The following HERC1 variants were observed in gnomAD, a reference collection of about 807,000 sequenced individuals.
HERC1 encodes HECT and RLD domain containing E3 ubiquitin protein ligase family member 1.
A neutral mutation model predicts 554.3 loss-of-function variants in HERC1; 160 were observed. The observed-to-expected ratio is 0.29, with a 90% CI of 0.25 to 0.33. HERC1 has a LOEUF of 0.33. HERC1 is among the 10% of genes least tolerant of loss of function. The pLI, the probability that HERC1 is intolerant of heterozygous loss-of-function variation, is 1.00. For missense variants in HERC1, 4,919 were observed against 5,918.5 expected, an observed-to-expected ratio of 0.83 and a Z score of 5.54; for synonymous variants, 2,175 against 2,131.7, an observed-to-expected ratio of 1.02 and a Z score of -0.56.
intron 12 of HERC1, among the ~76,000 whole-genome samples, chr15:63,739,185 C>T (rs2074679664): frequency 7.2e-6 from 1 of 139,778 alleles, no homozygotes. Context: ...CTCCAACAAC[C>T]ACTAATATAC....
Position 63,612,700 on chromosome 15 carries a change from G to C in HERC1, c.14095-144C>G. On this transcript the variant is annotated intron_variant, in intron 76 of 77. Coordinates refer to ENST00000443617, the MANE Select transcript of HERC1 (RefSeq NM_003922.4). The surrounding 1 kb of genome is among the most constrained non-coding windows in gnomAD (Gnocchi z 5.0). ...GTTTCTCAGACCGCCAGGCACGAGAGTCAGTCAAAAAGGCCCACCCTCCCT... is the reference window on the plus strand; with the variant it reads ...GTTTCTCAGACCGCCAGGCACGAGACTCAGTCAAAAAGGCCCACCCTCCCT... 1.3e-6 allele frequency: 1 copy of C among 755,600 alleles called. No individual in the cohort carries two copies. Among genetic ancestry groups the C allele is most frequent in the Non-Finnish European group, 2.1e-6 (1 of 481,116 alleles). The allele number at this position is 755,600 out of a possible 1,614,324, so 46.8% of individuals were successfully genotyped here. A position where few individuals can be genotyped will look rare whatever the true frequency, so the allele number is the denominator to read the frequency against.
In HERC1 at chr15:63,694,606, A is replaced by G. The variant is rs1197073285; in HGVS notation, c.5243-57T>C. ...CTTTCAGTAAACAAAGCATTTATTA[A>G]AATGAATAATTTTCTAAAATATTAA... On this transcript the variant is annotated intron_variant, in intron 28 of 77. Coordinates refer to ENST00000443617, the MANE Select transcript of HERC1 (RefSeq NM_003922.4). This position sits in a 1 kb window ranked among gnomAD's most constrained non-coding sequence, Gnocchi z 4.3. 15 of 1,491,688 alleles carry G rather than the reference A, an allele frequency of 1.0e-5. No individual in the cohort carries two copies. The highest frequency in any genetic ancestry group is 1.4e-5 in the Non-Finnish European group (15 of 1,083,274). 92.4% of individuals were successfully genotyped at this position (1,491,688 alleles called of 1,614,324 possible). A position where few individuals can be genotyped will look rare whatever the true frequency, so the allele number is the denominator to read the frequency against.
intron 1 of HERC1, among the ~76,000 whole-genome samples, chr15:63,777,622 T>C (rs2076153346): frequency 1.3e-5 from 2 of 152,226 alleles, no homozygotes; most frequent in Admixed American, 6.5e-5. Context: ...CTTGTAAAAG[T>C]TTTTTGTATT....
At chr15:63,654,700 A>C (rs1007075187) in intron 50 of HERC1, among the ~76,000 whole-genome samples, 6 of 95,584 alleles carry the variant, frequency 6.3e-5, no homozygotes, top group Non-Finnish European at 1.0e-4. Flanking sequence ...CTGAAAATAC[A>C]AAAAAAAAAA....
chr15:63,826,281 T>C (rs764886969), intron 1 of HERC1, among the ~76,000 whole-genome samples: 3 of 152,142 alleles, frequency 2.0e-5, no homozygotes, highest in Non-Finnish European at 2.9e-5. Context: ...CTAATAGGAT[T>C]GCCCTAACCC....
At chr15:63,755,385 T>C (rs1009236986) in intron 5 of HERC1, 60 bp from the exon 6 acceptor site, 7 of 1,258,158 alleles carry the variant, frequency 5.6e-6, no homozygotes, top group Non-Finnish European at 8.1e-6. Flanking sequence ...TAGTCCGTAT[T>C]TGATCCTATA....
intron 74 of HERC1, among the ~76,000 whole-genome samples, chr15:63,621,252 A>C (rs1189278703): frequency 4.6e-5 from 7 of 151,982 alleles, no homozygotes; most frequent in Admixed American, 3.3e-4. Flanking sequence ...TTCACTTATG[A>C]AGCTTAGTTT....
intron 12 of HERC1, among the ~76,000 whole-genome samples, chr15:63,738,052 C>T (rs1471937484): frequency 6.6e-6 from 1 of 152,124 alleles, no homozygotes; most frequent in Non-Finnish European, 1.5e-5. Context: ...CCAGCAGAAA[C>T]CACCTTAACC....
In HERC1 at chr15:63,727,628, T is replaced by TTTTA. The variant is rs2074094282; in HGVS notation, c.3346+15_3346+18dup. The TTTTA allele has an allele frequency of 6.3e-7, 1 of 1,583,490 alleles. No individual in the cohort carries two copies. Among genetic ancestry groups the TTTTA allele is most frequent in the South Asian group, 1.1e-5 (1 of 87,754 alleles). On this transcript the variant is annotated intron_variant, in intron 17 of 77. Coordinates refer to ENST00000443617, the MANE Select transcript of HERC1 (RefSeq NM_003922.4). This position sits in a 1 kb window ranked among gnomAD's most constrained non-coding sequence, Gnocchi z 4.3. ...CTTTTCTCAAAGGCATTATTTGCTC[T>TTTTA]TTTATTGTCTTTACTTACCATGAAG...
Position 63,732,349 on chromosome 15 carries a change from G to A in HERC1, c.2868+575C>T, listed in dbSNP as rs531520275. Among the ~76,000 whole-genome samples the A allele has an allele frequency of 7.5e-4, 114 of 152,222 alleles. 1 individual carries two copies. The highest frequency in any genetic ancestry group is 6.8e-3 in the Middle Eastern group (2 of 294). Reference sequence around the variant, plus strand: ...AAGAAGTTGTATTCTTTAATATAAAGAAGTTATTTAATACAAAGTTATTCC... The same window carrying A: ...AAGAAGTTGTATTCTTTAATATAAAAAAGTTATTTAATACAAAGTTATTCC... On this transcript the variant is annotated intron_variant, in intron 14 of 77. Coordinates refer to ENST00000443617, the MANE Select transcript of HERC1 (RefSeq NM_003922.4).
At position 63,630,507 on chromosome 15, in the gene HERC1, T is replaced by C. The variant is rs549373010; in HGVS notation, c.12925A>G (p.Asn4309Asp). ...GAEHTLALAS[N>D]GDVYAWGSNS... ...CTCCCCCAGGCATACACATCTCCAT[T>C]TGATGCCAAAGCAAGTGTGTGTTCA... Residue 4309 changes from asparagine to aspartate, a missense_variant, in exon 69 of 78, where the codon AAT becomes GAT. Physicochemically the swap from Asn to Asp is conservative, Grantham distance 23. Around this residue, in one of 11 missense-constraint regions of HERC1, gnomAD observed 410 missense variants for 467.0 expected, o/e 0.88. Coordinates refer to ENST00000443617, the MANE Select transcript of HERC1 (RefSeq NM_003922.4). 25 of 1,613,962 alleles carry C rather than the reference T, an allele frequency of 1.5e-5. No individual in the cohort carries two copies. The East Asian group carries it at 3.3e-4, about 22-fold the overall frequency.
chr15:63,819,256 A>T (rs560868625), intron 1 of HERC1, among the ~76,000 whole-genome samples: 2 of 152,342 alleles, frequency 1.3e-5, no homozygotes, highest in South Asian at 2.1e-4. Flanking sequence ...GGTTGAGATT[A>T]TTCAGGGGCT....
intron 19 of HERC1, 146 bp from the exon 20 acceptor site, chr15:63,719,043 A>G: frequency 1.7e-6 from 1 of 598,838 alleles, no homozygotes; most frequent in Non-Finnish European, 2.9e-6. Flanking sequence ...GATCCCACTT[A>G]CTGTTCCAAG....
chr15:63,693,302 G>A (rs1201463418), intron 30 of HERC1, among the ~76,000 whole-genome samples: 2 of 150,740 alleles, frequency 1.3e-5, no homozygotes, highest in Non-Finnish European at 3.0e-5. Flanking sequence ...AAAGTGCAGT[G>A]GTGTGATCTC....
chr15:63,779,091 T>G (rs2076200880), intron 1 of HERC1, among the ~76,000 whole-genome samples: 2 of 150,292 alleles, frequency 1.3e-5, no homozygotes, highest in Non-Finnish European at 3.0e-5. Flanking sequence ...TAAAGAAAAA[T>G]GAAAAGGGTG....
chr15:63,651,480 A>G (rs994812947), intron 52 of HERC1, 100 bp from the exon 53 acceptor site: 2 of 1,100,992 alleles, frequency 1.8e-6, no homozygotes, highest in Admixed American at 2.5e-5. Flanking sequence ...ACTAGAGTGT[A>G]TAACTGATTC....
chr15:63,713,827 A>G (rs537319389), intron 22 of HERC1, 162 bp from the exon 23 acceptor site: 16 of 564,224 alleles, frequency 2.8e-5, no homozygotes, highest in African/African-American at 1.1e-4. Context: ...AGTTAAAATT[A>G]CATTTAAAAT....
At chr15:63,710,264 T>C (rs140940738) in intron 24 of HERC1, among the ~76,000 whole-genome samples, 156 of 152,288 alleles carry the variant, frequency 1.0e-3, no homozygotes, top group African/African-American at 3.6e-3. Context: ...GGTAGGTGTT[T>C]TGTTGTTGTT....
chr15:63,801,304 G>A (rs1166018725), intron 1 of HERC1, among the ~76,000 whole-genome samples: 2 of 152,166 alleles, frequency 1.3e-5, no homozygotes, highest in Admixed American at 6.5e-5. Context: ...CAGAAGTGTG[G>A]GACTCAATAC....
Sources: allele counts gnomAD v4.1 joint callset (sites outside exome capture counted in the v4.1 genomes callset), GRCh38; gene constraint gnomAD v4.1.1; regional missense constraint gnomAD v4.1.1; non-coding constraint Gnocchi (gnomAD v3.1); transcripts MANE v1.5; gene names NCBI Gene and HGNC (gene_info 2026-07-23, HGNC 2026-07-21).